NRG3: variants seen among roughly 807,000 people sequenced by gnomAD.
NRG3 encodes pro-neuregulin-3, membrane-bound isoform.
A neutral mutation model predicts 66.9 loss-of-function variants in NRG3; 31 were observed. The ratio of observed to expected loss-of-function variants is 0.46; its 90% CI spans 0.35 to 0.63. NRG3 has a LOEUF of 0.63. Among genes scored for constraint, NRG3 ranks in the 20% least tolerant of loss-of-function variants. The pLI is 0.00. For synonymous variants in NRG3, 393 were observed against 359.4 expected (o/e 1.09, Z -1.06); for missense variants, 910 against 878.9 (o/e 1.04, Z -0.45).
intron 2 of NRG3, among the ~76,000 whole-genome samples, chr10:82,361,120 A>G (rs1215658796): frequency 6.6e-6 from 1 of 152,218 alleles, no homozygotes; most frequent in Non-Finnish European, 1.5e-5. Context: ...TCATGTCCAT[A>G]AAAGAAAAAT....
chr10:82,405,454 G>GTTTTTTTTTTTTTTTTTTTTTTTTTT (rs779040062), intron 2 of NRG3, among the ~76,000 whole-genome samples: 1 of 139,920 alleles, frequency 7.1e-6, no homozygotes, highest in African/African-American at 2.9e-5. Flanking sequence ...GATCTCAGTA[G>GTTTTTTTTTTTTTTTTTTTTTTTTTT]TTTGTTTTTT....
At chr10:82,316,830 G>C (rs1030707184) in intron 1 of NRG3, among the ~76,000 whole-genome samples, 1 of 152,150 alleles carries the variant, frequency 6.6e-6, no homozygotes, top group Non-Finnish European at 1.5e-5. Context: ...TTTCAGAAAA[G>C]CAGAGCTGGG....
At chr10:81,931,342 T>C (rs1847332036) in intron 1 of NRG3, among the ~76,000 whole-genome samples, 1 of 152,178 alleles carries the variant, frequency 6.6e-6, no homozygotes, top group South Asian at 2.1e-4. Context: ...TCCAAGGATA[T>C]AGATTCTGTC....
intron 5 of NRG3, 107 bp from the exon 6 acceptor site, chr10:82,958,842 T>G: frequency 1.5e-6 from 2 of 1,296,842 alleles, no homozygotes; most frequent in Non-Finnish European, 2.0e-6. Flanking sequence ...TGAGTTTATT[T>G]AACTTTAGCA....
chr10:82,888,085 A>G (rs1386517167), intron 4 of NRG3, among the ~76,000 whole-genome samples: 2 of 152,336 alleles, frequency 1.3e-5, no homozygotes, highest in Admixed American at 6.5e-5. Context: ...AGGGCTATTT[A>G]TAAGAGCTCC....
chr10:81,957,638 A>G (rs1849969127), intron 1 of NRG3, among the ~76,000 whole-genome samples: 1 of 152,178 alleles, frequency 6.6e-6, no homozygotes, highest in South Asian at 2.1e-4. Context: ...GGTGCCTGGC[A>G]TGTACCAGTG....
chr10:82,463,140 C>T (rs2091599953), intron 2 of NRG3, among the ~76,000 whole-genome samples: 1 of 152,332 alleles, frequency 6.6e-6, no homozygotes, highest in South Asian at 2.1e-4. Context: ...CATTAACTGG[C>T]TTGCCCTCTG....
At chr10:81,878,692 C>G (rs558348547) in intron 1 of NRG3, among the ~76,000 whole-genome samples, 13 of 152,154 alleles carry the variant, frequency 8.5e-5, no homozygotes, top group African/African-American at 2.9e-4. Context: ...TCTTTCCGTC[C>G]TTTCTTTTTT....
chr10:81,876,442 C>T (rs1037080315), intron 1 of NRG3, among the ~76,000 whole-genome samples: 1 of 152,168 alleles, frequency 6.6e-6, no homozygotes, highest in Non-Finnish European at 1.5e-5. Flanking sequence ...CTCCCAACTC[C>T]CTTCAAAGGG....
intron 1 of NRG3, among the ~76,000 whole-genome samples, chr10:81,951,164 G>C (rs1178080685): frequency 2.6e-5 from 4 of 152,014 alleles, no homozygotes; most frequent in Non-Finnish European, 4.4e-5. Flanking sequence ...TCCATATGTA[G>C]GAGAGTCGTA....
chr10:82,216,460 A>G lies in NRG3; in HGVS notation c.824-142279A>G, dbSNP rs867811209. On this transcript the variant is annotated intron_variant, in intron 1 of 8. Coordinates refer to ENST00000372141, the MANE Select transcript of NRG3 (RefSeq NM_001010848.4). The stretch of plus-strand genomic sequence containing the variant: ...AAATTAGAAAATACATTTTATATAT[A>G]TGTGTGTGTGTGTGTGTGTGTGTAT... Among the ~76,000 whole-genome samples the G allele has an allele frequency of 1.6e-4, 23 of 146,330 alleles. No individual in the cohort carries two copies. The South Asian group carries it at 1.7e-3, about 11-fold the overall frequency.
chr10:82,469,632 A>G (rs955984462), intron 2 of NRG3, among the ~76,000 whole-genome samples: 3 of 152,202 alleles, frequency 2.0e-5, no homozygotes, highest in Non-Finnish European at 2.9e-5. Context: ...CCAATTGTGA[A>G]GGTGGAGAGC....
intron 3 of NRG3, among the ~76,000 whole-genome samples, chr10:82,808,775 T>G (rs1332857090): frequency 6.6e-6 from 1 of 152,234 alleles, no homozygotes; most frequent in Non-Finnish European, 1.5e-5. Context: ...ATTTATTGTT[T>G]TTTCACCTGT....
At chr10:82,870,590 T>C (rs1841251280) in intron 4 of NRG3, among the ~76,000 whole-genome samples, 1 of 152,206 alleles carries the variant, frequency 6.6e-6, no homozygotes, top group Non-Finnish European at 1.5e-5. Context: ...ATGGTCTCCA[T>C]CATTTGGTGT....
In NRG3 at chr10:82,740,320, G is replaced by A. The variant is rs1252995771; in HGVS notation, c.1027+1670G>A. ...TAGCTATTCAGTACAGGTTACAAAG[G>A]GCAAGGTCTTGCATATGGTACAAAG... On this transcript the variant is annotated intron_variant, in intron 3 of 8. Coordinates refer to ENST00000372141, the MANE Select transcript of NRG3 (RefSeq NM_001010848.4). 2.0e-5 allele frequency among the ~76,000 whole-genome samples: 3 copies of A among 151,396 alleles called. No homozygotes were observed. In the East Asian group the frequency reaches 5.8e-4, roughly 29 times the overall value.
chr10:82,943,723 CACAG>C (rs918538512), intron 4 of NRG3, among the ~76,000 whole-genome samples: 3 of 152,130 alleles, frequency 2.0e-5, no homozygotes, highest in African/African-American at 7.2e-5. Flanking sequence ...AAAACATCTA[CACAG>C]ACATACCCCA....
intron 3 of NRG3, among the ~76,000 whole-genome samples, chr10:82,849,832 T>A (rs2063480863): frequency 1.3e-5 from 2 of 152,100 alleles, no homozygotes; most frequent in African/African-American, 4.8e-5. Context: ...ATTGTATAGG[T>A]CCATTTTAGA....
At chr10:82,252,316 C>T (rs909638768) in intron 1 of NRG3, among the ~76,000 whole-genome samples, 7 of 152,172 alleles carry the variant, frequency 4.6e-5, no homozygotes, top group African/African-American at 1.7e-4. Flanking sequence ...ATAAATTTCA[C>T]CTCGTGCCAA....
At chr10:82,829,943 G>A (rs2062434019) in intron 3 of NRG3, among the ~76,000 whole-genome samples, 2 of 152,182 alleles carry the variant, frequency 1.3e-5, no homozygotes. Context: ...GGGTGGACAA[G>A]TGAGTACTAG....
Sources: allele counts gnomAD v4.1 joint callset (sites outside exome capture counted in the v4.1 genomes callset), GRCh38; gene constraint gnomAD v4.1.1; transcripts MANE v1.5; gene names NCBI Gene and HGNC (gene_info 2026-07-23, HGNC 2026-07-21).